PPFIA2: variants seen among roughly 807,000 people sequenced by gnomAD.
PPFIA2 encodes the protein liprin-alpha-2.
Under a neutral mutation model 175.5 loss-of-function variants are expected in PPFIA2, and 46 were observed. That is an observed-to-expected ratio of 0.26 (90% CI 0.21 to 0.34). The LOEUF (loss-of-function observed/expected upper bound fraction) is 0.34, where lower values mean the gene tolerates loss of function less well. Among genes scored for constraint, PPFIA2 ranks in the 10% least tolerant of loss-of-function variants. The pLI, the probability that PPFIA2 is intolerant of heterozygous loss-of-function variation, is 1.00. For missense variants in PPFIA2, 1,179 were observed against 1,506.1 expected (o/e 0.78, Z 3.60); for synonymous variants, 568 against 511.4 (o/e 1.11, Z -1.49).
At chr12:81,740,460 A>C (rs1329079241) in intron 3 of PPFIA2, among the ~76,000 whole-genome samples, 2 of 152,184 alleles carry the variant, frequency 1.3e-5, no homozygotes, top group Non-Finnish European at 2.9e-5. Flanking sequence ...AAGGTGTGTG[A>C]TCTACTTAGA....
At chr12:81,519,142 C>T (rs1431609239) in intron 4 of PPFIA2, among the ~76,000 whole-genome samples, 2 of 152,054 alleles carry the variant, frequency 1.3e-5, no homozygotes, top group Non-Finnish European at 2.9e-5. Flanking sequence ...ATGGAAATTA[C>T]CTCAATTAAA....
At chr12:81,625,439 T>C (rs2062585533) in intron 4 of PPFIA2, among the ~76,000 whole-genome samples, 3 of 151,920 alleles carry the variant, frequency 2.0e-5, no homozygotes, top group African/African-American at 7.2e-5. Context: ...AAACCACATA[T>C]AATAAATAGT....
At chr12:81,561,508 G>T (rs1844305069) in intron 4 of PPFIA2, among the ~76,000 whole-genome samples, 1 of 151,786 alleles carries the variant, frequency 6.6e-6, no homozygotes, top group African/African-American at 2.4e-5. Context: ...ACAGGAGGGA[G>T]TCCCCCCCCA....
chr12:81,714,691 T>C (rs2078367675), intron 3 of PPFIA2, among the ~76,000 whole-genome samples: 1 of 151,016 alleles, frequency 6.6e-6, no homozygotes, highest in South Asian at 2.1e-4. Context: ...TCTGAAGAAA[T>C]AGAGGGTCTG....
chr12:81,560,240 ATG>A (rs1335476149), intron 4 of PPFIA2, among the ~76,000 whole-genome samples: 2 of 150,896 alleles, frequency 1.3e-5, no homozygotes, highest in Admixed American at 6.6e-5. Flanking sequence ...GGTGGGGGGT[ATG>A]TGTGTGTGTG....
intron 4 of PPFIA2, among the ~76,000 whole-genome samples, chr12:81,655,696 CAATT>C: frequency 6.6e-6 from 1 of 152,032 alleles, no homozygotes; most frequent in Middle Eastern, 3.4e-3. Flanking sequence ...AATTCTTTGA[CAATT>C]AATGTGTTTA....
intron 22 of PPFIA2, among the ~76,000 whole-genome samples, chr12:81,325,189 T>C (rs975205893): frequency 1.4e-4 from 22 of 152,142 alleles, no homozygotes; most frequent in Admixed American, 4.6e-4. Flanking sequence ...TGTTACTATG[T>C]ATTTTTAAAA....
chr12:81,331,141 A>G (rs2056036195), intron 21 of PPFIA2, among the ~76,000 whole-genome samples: 1 of 152,254 alleles, frequency 6.6e-6, no homozygotes, highest in African/African-American at 2.4e-5. Flanking sequence ...CTTTCTGTTA[A>G]TGATGGGCTG....
At chr12:81,521,590 G>T (rs889458038) in intron 4 of PPFIA2, among the ~76,000 whole-genome samples, 1 of 151,088 alleles carries the variant, frequency 6.6e-6, no homozygotes. Context: ...CGCCGAGGCG[G>T]GCAGATCACG....
intron 5 of PPFIA2, among the ~76,000 whole-genome samples, chr12:81,454,716 C>T (rs1386585525): frequency 6.6e-6 from 1 of 151,986 alleles, no homozygotes; most frequent in Non-Finnish European, 1.5e-5. Context: ...CATGGACTGG[C>T]TTTTTATGTT....
chr12:81,407,481 TTAAAATAAAATAAAA>T (rs10645878), intron 7 of PPFIA2, among the ~76,000 whole-genome samples: 389 of 130,802 alleles, frequency 3.0e-3, no homozygotes, highest in African/African-American at 0.01. Context: ...AGACTCTGTC[TTAAAATAAAATAAAA>T]TAAAATAAAA....
At chr12:81,397,920 C>T (rs2142534233) in intron 8 of PPFIA2, among the ~76,000 whole-genome samples, 1 of 151,938 alleles carries the variant, frequency 6.6e-6, no homozygotes, top group East Asian at 1.9e-4. Flanking sequence ...AGGTTGTGCA[C>T]TCCTTATGAG....
At chr12:81,717,989 T>G (rs1440870017) in intron 3 of PPFIA2, among the ~76,000 whole-genome samples, 1 of 151,650 alleles carries the variant, frequency 6.6e-6, no homozygotes, top group African/African-American at 2.4e-5. Flanking sequence ...GGGGCTGGAC[T>G]TTTGTACTCC....
intron 3 of PPFIA2, among the ~76,000 whole-genome samples, chr12:81,729,114 T>A (rs2080484639): frequency 6.6e-6 from 1 of 151,638 alleles, no homozygotes; most frequent in South Asian, 2.1e-4. Context: ...TTTTATTAAC[T>A]TAAATAAGTA....
At chr12:81,411,551 G>A (rs1005083565) in intron 7 of PPFIA2, among the ~76,000 whole-genome samples, 1 of 152,008 alleles carries the variant, frequency 6.6e-6, no homozygotes, top group African/African-American at 2.4e-5. Context: ...CTTGGCGGCT[G>A]GGCCTCCAGT....
intron 9 of PPFIA2, among the ~76,000 whole-genome samples, chr12:81,379,578 C>T (rs139873615): frequency 0.014 from 2,205 of 152,070 alleles, 29 homozygotes; most frequent in Non-Finnish European, 0.016. Context: ...TATCATTATC[C>T]ATACACAATT....
At chr12:81,729,231 G>C (rs928077453) in intron 3 of PPFIA2, among the ~76,000 whole-genome samples, 1 of 151,346 alleles carries the variant, frequency 6.6e-6, no homozygotes, top group South Asian at 2.1e-4. Context: ...TTTCATCACT[G>C]AACTTGAATA....
At chr12:81,734,822 C>T (rs528508116) in intron 3 of PPFIA2, among the ~76,000 whole-genome samples, 7 of 151,820 alleles carry the variant, frequency 4.6e-5, no homozygotes, top group Non-Finnish European at 1.0e-4. Flanking sequence ...CATTTGCTGT[C>T]ACTTCCTATG....
intron 3 of PPFIA2, among the ~76,000 whole-genome samples, chr12:81,723,793 A>G (rs1162060217): frequency 6.6e-6 from 1 of 150,970 alleles, no homozygotes; most frequent in Non-Finnish European, 1.5e-5. Context: ...TGCATATTAT[A>G]ATGGGATAAT....
Sources: allele counts gnomAD v4.1 joint callset (sites outside exome capture counted in the v4.1 genomes callset), GRCh38; gene constraint gnomAD v4.1.1; transcripts MANE v1.5; gene names NCBI Gene and HGNC (gene_info 2026-07-23, HGNC 2026-07-21).